OGFOD3: variants seen among roughly 807,000 people sequenced by gnomAD.
OGFOD3 encodes the protein 2-oxoglutarate and iron dependent oxygenase domain containing 3, also known as 2-oxoglutarate and iron-dependent oxygenase domain-containing protein 3.
Under a neutral mutation model 39.8 loss-of-function variants are expected in OGFOD3, and 35 were observed. That is an observed-to-expected ratio of 0.88 (90% CI 0.67 to 1.17). The LOEUF is 1.17. Among genes scored for constraint, OGFOD3 ranks in the 50% most tolerant of loss-of-function variants. The pLI is 0.00. For synonymous variants in OGFOD3, 200 were observed against 192.0 expected (o/e 1.04, Z -0.34); for missense variants, 438 against 454.5 (o/e 0.96, Z 0.33).
chr17:82,412,365 C>A (rs2052962440), intron 2 of OGFOD3, among the ~76,000 whole-genome samples: 1 of 108,374 alleles, frequency 9.2e-6, no homozygotes, highest in African/African-American at 3.7e-5. Context: ...GTTATCGGGG[C>A]AGGGGCATGG....
At position 82,415,784 on chromosome 17, in the gene OGFOD3, G is replaced by GA. The variant is rs2053023564; in HGVS notation, c.75-158dup. Among the ~76,000 whole-genome samples the GA allele has an allele frequency of 6.6e-6, 1 of 151,830 alleles. No homozygotes were observed. The highest frequency in any genetic ancestry group is 6.6e-5 in the Admixed American group (1 of 15,230). ...CCTGGGGCCAGCGCTGTCCACTCAG[G>GA]AAACACGGACTCTTCCCTCCCTTTC... is the stretch of plus-strand genomic sequence containing the variant. On this transcript the variant is annotated intron_variant, in intron 1 of 8. Transcript: ENST00000313056. This position sits in a 1 kb window ranked among gnomAD's most constrained non-coding sequence, Gnocchi z 5.3.
At chr17:82,413,841 A>C (rs1177367368) in intron 2 of OGFOD3, among the ~76,000 whole-genome samples, 2 of 149,604 alleles carry the variant, frequency 1.3e-5, no homozygotes, top group Non-Finnish European at 3.0e-5. Context: ...ATGCCACTGC[A>C]CTCCAGCCTG....
Position 82,406,259 on chromosome 17 carries a change from G to C in OGFOD3, c.488+159C>G, listed in dbSNP as rs1055030659. ...CCAGCTCTTGCGTCCCAAAGAACCA[G>C]GAAGGACCCGGCCAACATCACAGCC... On this transcript the variant is annotated intron_variant, in intron 5 of 8. Transcript: ENST00000313056. The surrounding 1 kb of genome is among the most constrained non-coding windows in gnomAD (Gnocchi z 5.2). Among the ~76,000 whole-genome samples, 3 of 152,204 alleles carry C rather than the reference G, an allele frequency of 2.0e-5. No individual in the cohort carries two copies. The highest frequency in any genetic ancestry group is 7.2e-5 in the African/African-American group (3 of 41,450).
intron 7 of OGFOD3, among the ~76,000 whole-genome samples, chr17:82,402,785 T>C (rs552576531): frequency 6.7e-5 from 10 of 149,486 alleles, no homozygotes; most frequent in African/African-American, 2.5e-4. Context: ...GGATGGGTAA[T>C]GGCTCTCGCC....
At position 82,404,037 on chromosome 17, in the gene OGFOD3, G is replaced by A. The variant is rs780497925; in HGVS notation, c.599C>T (p.Ala200Val). The A allele has an allele frequency of 1.2e-5, 19 of 1,610,148 alleles. No individual in the cohort carries two copies. Among genetic ancestry groups the A allele is most frequent in the Non-Finnish European group, 1.6e-5 (19 of 1,178,486 alleles). Residue 200 changes from alanine (A) to valine (V), a missense_variant, in exon 7 of 9, where the codon GCA becomes GTA. Ala to Val is a moderately conservative substitution (Grantham distance 64, BLOSUM62 0). Transcript: ENST00000313056. This position sits in a 1 kb window ranked among gnomAD's most constrained non-coding sequence, Gnocchi z 4.5. ...LTIAEAFGIS[A>V]SSLHLTKPTF... Reference sequence around the variant, plus strand: ...GGGCTTGGTCAGATGCAGCGAGGATGCGCTGATGCCAAAAGCCTCAGCAAT... The same window carrying A: ...GGGCTTGGTCAGATGCAGCGAGGATACGCTGATGCCAAAAGCCTCAGCAAT...
At chr17:82,394,512 C>T (rs1196434411) in intron 8 of OGFOD3, 5 of 1,612,818 alleles carry the variant, frequency 3.1e-6, no homozygotes, top group East Asian at 2.2e-5. Flanking sequence ...CTTCTTGGAA[C>T]CCACAAGACA....
intron 8 of OGFOD3, chr17:82,394,236 C>T (rs1016046679): frequency 3.1e-5 from 29 of 939,866 alleles, no homozygotes; most frequent in South Asian, 2.3e-4. Flanking sequence ...ATGACCCGCC[C>T]GTCTTGGCCT....
chr17:82,392,179 C>T lies in OGFOD3; in HGVS notation c.*219G>A, dbSNP rs1412869690. On this transcript the variant is annotated 3_prime_UTR_variant, in exon 9 of 9. Coordinates refer to ENST00000313056, the MANE Select transcript of OGFOD3 (RefSeq NM_024648.3). This position sits in a 1 kb window ranked among gnomAD's most constrained non-coding sequence, Gnocchi z 4.2. Reference sequence around the variant, plus strand: ...CCTTTCCTGGCCTCCACCTCAGGCTCCCAGGCCTACAGCCCAAGCACACAT... The same window carrying T: ...CCTTTCCTGGCCTCCACCTCAGGCTTCCAGGCCTACAGCCCAAGCACACAT... 9.8e-6 allele frequency: 6 copies of T among 610,022 alleles called. No individual in the cohort carries two copies. The African/African-American group carries it at 1.1e-4, about 11-fold the overall frequency. 37.8% of individuals were successfully genotyped at this position (610,022 alleles called of 1,614,324 possible). A position where few individuals can be genotyped will look rare whatever the true frequency, so the allele number is the denominator to read the frequency against.
In OGFOD3 at chr17:82,418,426, G is replaced by C. The variant is rs923030308; in HGVS notation, c.60C>G (p.Arg20=). 21 of 1,478,710 alleles carry C rather than the reference G, an allele frequency of 1.4e-5. No individual in the cohort carries two copies. The highest frequency in any genetic ancestry group is 1.0e-4 in the South Asian group (8 of 79,056). The allele number at this position is 1,478,710 out of a possible 1,614,324, so 91.6% of individuals were successfully genotyped here. A position where few individuals can be genotyped will look rare whatever the true frequency, so the allele number is the denominator to read the frequency against. Residue 20 remains arginine, a synonymous_variant, in exon 1 of 9, where the codon CGC becomes CGG. Transcript: ENST00000313056. ...KAPEGNGAAE[R]RNRSSTKKDR... is the part of the protein sequence containing the mutation. ...CTCACCGCTACCTGCTCCGGTTCCG[G>C]CGCTCGGCCGCTCCGTTGCCCTCGG...
chr17:82,400,386 G>A (rs530232471), intron 7 of OGFOD3, among the ~76,000 whole-genome samples: 10 of 152,292 alleles, frequency 6.6e-5, no homozygotes, highest in South Asian at 6.2e-4. Context: ...GAGCAAAGCC[G>A]CGTGCGGACT....
chr17:82,401,815 A>C (rs1319571309), intron 7 of OGFOD3, among the ~76,000 whole-genome samples: 2 of 149,676 alleles, frequency 1.3e-5, no homozygotes. Context: ...AAAAAAAAAA[A>C]AAAAAAAACA....
At chr17:82,396,707 C>T (rs1027228048) in intron 8 of OGFOD3, 1 of 152,228 alleles carries the variant, frequency 6.6e-6, no homozygotes, top group Admixed American at 6.5e-5. Context: ...CAAGAAAACG[C>T]CTGTCTTGTG....
intron 8 of OGFOD3, among the ~76,000 whole-genome samples, chr17:82,396,150 A>G (rs1432062011): frequency 6.6e-6 from 1 of 152,172 alleles, no homozygotes; most frequent in Non-Finnish European, 1.5e-5. Flanking sequence ...AATTAGACAG[A>G]TGTACGACAT....
rs901418928 is a variant in OGFOD3, at chr17:82,402,296, G to A, written c.699+1641C>T. ...ATAAAAATACAAAAATTAGCTGGGC[G>A]TGGTGGTGCATGCCTGTAGTCCCAG... is the stretch of plus-strand genomic sequence containing the variant. On this transcript the variant is annotated intron_variant, in intron 7 of 8. Coordinates refer to ENST00000313056, the MANE Select transcript of OGFOD3 (RefSeq NM_024648.3). 5.3e-5 allele frequency among the ~76,000 whole-genome samples: 8 copies of A among 151,932 alleles called. No individual in the cohort carries two copies. The South Asian group carries it at 6.2e-4, about 12-fold the overall frequency.
At chr17:82,407,200 G>T (rs1242788161) in intron 4 of OGFOD3, among the ~76,000 whole-genome samples, 1 of 151,920 alleles carries the variant, frequency 6.6e-6, no homozygotes, top group Non-Finnish European at 1.5e-5. Flanking sequence ...GGGAGGCGGA[G>T]GTTGCAGCGA....
chr17:82,415,732 C>T lies in OGFOD3; in HGVS notation c.75-105G>A, dbSNP rs894529565. The T allele has an allele frequency of 4.9e-6, 5 of 1,010,792 alleles. No homozygotes were observed. Among genetic ancestry groups the T allele is most frequent in the African/African-American group, 1.6e-5 (1 of 62,034 alleles). 62.6% of individuals were successfully genotyped at this position (1,010,792 alleles called of 1,614,324 possible). A position where few individuals can be genotyped will look rare whatever the true frequency, so the allele number is the denominator to read the frequency against. On this transcript the variant is annotated intron_variant, in intron 1 of 8. Transcript: ENST00000313056. This position sits in a 1 kb window ranked among gnomAD's most constrained non-coding sequence, Gnocchi z 5.3. ...CACCATGACCCGGCCTTCACTCACA[C>T]GTCACCCCTGAAACGAGGGCTTCCT...
chr17:82,409,034 C>G (rs1006541549), intron 4 of OGFOD3, among the ~76,000 whole-genome samples: 1 of 152,324 alleles, frequency 6.6e-6, no homozygotes, highest in African/African-American at 2.4e-5. Context: ...CATGCGCAGC[C>G]GTCTCCTCGC....
At chr17:82,405,145 G>A (rs2052834343) in intron 6 of OGFOD3, among the ~76,000 whole-genome samples, 179 bp downstream of exon 6, 1 of 152,254 alleles carries the variant, frequency 6.6e-6, no homozygotes, top group Admixed American at 6.5e-5. Context: ...ACCGACCCGG[G>A]CGCATCCTGG....
At chr17:82,409,888 C>T (rs899257101) in intron 3 of OGFOD3, among the ~76,000 whole-genome samples, 5 of 151,722 alleles carry the variant, frequency 3.3e-5, no homozygotes, top group African/African-American at 1.2e-4. Context: ...AAGCAAGACT[C>T]TGTCAAGAAA....
Sources: allele counts gnomAD v4.1 joint callset (sites outside exome capture counted in the v4.1 genomes callset), GRCh38; gene constraint gnomAD v4.1.1; non-coding constraint Gnocchi (gnomAD v3.1); transcripts MANE v1.5; gene names NCBI Gene and HGNC (gene_info 2026-07-23, HGNC 2026-07-21).